The following GON4L variants were observed in gnomAD, a reference collection of about 807,000 sequenced individuals.
GON4L encodes the protein gon-4 like, also known as GON-4-like protein.
A neutral mutation model predicts 211.8 loss-of-function variants in GON4L; 87 were observed. That is an observed-to-expected ratio of 0.41 (90% CI 0.35 to 0.49). The LOEUF (loss-of-function observed/expected upper bound fraction) is 0.49, where lower values mean the gene tolerates loss of function less well. Among genes scored for constraint, GON4L ranks in the 20% least tolerant of loss-of-function variants. The pLI is 0.15. For synonymous variants in GON4L, 875 were observed against 962.6 expected (o/e 0.91, Z 1.68); for missense variants, 2,155 against 2,659.5 (o/e 0.81, Z 4.17).
At chr1:155,814,777 C>G (rs1668096069) in intron 8 of GON4L, among the ~76,000 whole-genome samples, 1 of 151,774 alleles carries the variant, frequency 6.6e-6, no homozygotes, top group Non-Finnish European at 1.5e-5. Flanking sequence ...TAAAATCCAT[C>G]ACTCAACTAG....
At chr1:155,840,312 T>C (rs1342147552) in intron 2 of GON4L, among the ~76,000 whole-genome samples, 1 of 152,244 alleles carries the variant, frequency 6.6e-6, no homozygotes, top group Non-Finnish European at 1.5e-5. Flanking sequence ...GAGAGACAAT[T>C]ACACTGCAGA....
In GON4L at chr1:155,795,067, C is replaced by T. The variant is rs897433809; in HGVS notation, c.1730G>A (p.Arg577Gln). 5 of 1,590,826 alleles carry T rather than the reference C, an allele frequency of 3.1e-6. No homozygotes were observed. The highest frequency in any genetic ancestry group is 1.3e-5 in the African/African-American group (1 of 74,458). The change falls in exon 12 of 32, where the codon CGG becomes CAG. Residue 577 changes from arginine (R) to glutamine (Q), a missense_variant. Arg to Gln is a conservative substitution (Grantham distance 43, BLOSUM62 1). Coordinates refer to ENST00000368331, the MANE Select transcript of GON4L (RefSeq NM_001282860.2). ...AGACTCACTGGTGATTCTCACTGCC[C>T]GGTCAGTCCGGAAATCCTCTGTGTC... Reference protein sequence around the residue: ...EPDTEDFRTDRAVRITKKEVN... With the variant: ...EPDTEDFRTDQAVRITKKEVN...
intron 2 of GON4L, among the ~76,000 whole-genome samples, chr1:155,840,388 A>G (rs1010697107): frequency 6.6e-6 from 1 of 152,178 alleles, no homozygotes; most frequent in Non-Finnish European, 1.5e-5. Context: ...GTGTCAATAC[A>G]GTATTTTGGG....
intron 11 of GON4L, among the ~76,000 whole-genome samples, chr1:155,802,262 C>CA (rs1272881629): frequency 6.9e-6 from 1 of 144,778 alleles, no homozygotes; most frequent in African/African-American, 2.5e-5. Context: ...ACATAAACCC[C>CA]AAAAAAATCA....
At chr1:155,787,338 G>A (rs533844736) in intron 12 of GON4L, among the ~76,000 whole-genome samples, 1 of 152,276 alleles carries the variant, frequency 6.6e-6, no homozygotes, top group African/African-American at 2.4e-5. Flanking sequence ...TTGATATCAA[G>A]TTCAATAAGA....
rs1431971404 is a variant in GON4L at position 155,763,292 on chromosome 1, T to C, written c.4726+20A>G. On this transcript the variant is annotated intron_variant, in intron 22 of 31. Coordinates refer to ENST00000368331, the MANE Select transcript of GON4L (RefSeq NM_001282860.2). ...AGGTTAAGTGAGAATGGTCCTTCAG[T>C]ATAGGTTTGCCTAGCTCACCTGGTG... 5 of 1,612,072 alleles carry C rather than the reference T, an allele frequency of 3.1e-6. No individual in the cohort carries two copies. Among genetic ancestry groups the C allele is most frequent in the South Asian group, 1.1e-5 (1 of 91,036 alleles).
intron 11 of GON4L, among the ~76,000 whole-genome samples, chr1:155,802,392 T>C (rs900854712): frequency 1.3e-5 from 2 of 152,122 alleles, no homozygotes; most frequent in African/African-American, 4.8e-5. Flanking sequence ...TCTTACAGTT[T>C]TACAGTGAAA....
chr1:155,759,946 A>G (rs1452753533), intron 24 of GON4L, among the ~76,000 whole-genome samples: 1 of 145,666 alleles, frequency 6.9e-6, no homozygotes, highest in Non-Finnish European at 1.5e-5. Flanking sequence ...ATTTATTTTT[A>G]TAATTTATAT....
At position 155,777,833 on chromosome 1, in the gene GON4L, G is replaced by A. The variant is rs1358002562; in HGVS notation, c.1893-13C>T. 1.9e-6 allele frequency: 3 copies of A among 1,552,150 alleles called. No homozygotes were observed. The highest frequency in any genetic ancestry group is 2.7e-6 in the Non-Finnish European group (3 of 1,124,780). On this transcript the variant is annotated splice_polypyrimidine_tract_variant and intron_variant, in intron 14 of 31. Coordinates refer to ENST00000368331, the MANE Select transcript of GON4L (RefSeq NM_001282860.2). ...TGGTTCCTCAAACCTATTCCCAACA[G>A]GGAGATGACTGAATTTGAGTGTTTC...
At position 155,798,095 on chromosome 1, in the gene GON4L, AT is replaced by A. The variant is rs1055113562; in HGVS notation, c.1646-2945del. On this transcript the variant is annotated intron_variant, in intron 11 of 31. Transcript: ENST00000368331. Reference sequence around the variant, plus strand: ...GACCCTGTCTCAAAAACAAATATATATTTTTTATATAAATATAAATATATAT... The same window carrying A: ...GACCCTGTCTCAAAAACAAATATATATTTTTATATAAATATAAATATATAT... Among the ~76,000 whole-genome samples, 16 of 147,786 alleles carry A rather than the reference AT, an allele frequency of 1.1e-4. No individual in the cohort carries two copies. In the East Asian group the frequency reaches 2.7e-3, roughly 25 times the overall value.
chr1:155,839,650 CAAA>C (rs76003215), intron 2 of GON4L, among the ~76,000 whole-genome samples: 3 of 61,742 alleles, frequency 4.9e-5, no homozygotes, highest in Non-Finnish European at 6.6e-5. Context: ...GACTCTGTCT[CAAA>C]AAAAAAAAAA....
In GON4L at chr1:155,821,493, G is replaced by A. The variant is rs772087475; in HGVS notation, c.944C>T (p.Thr315Met). ...VAMMKAAISETEDMPMFEPKM... is the reference protein window; with the variant it reads ...VAMMKAAISEMEDMPMFEPKM... ...ACTCACAAACATTGGCATATCTTCCGTCTCACTGATGGCTGCTTTCATCAT... is the reference window on the plus strand; with the variant it reads ...ACTCACAAACATTGGCATATCTTCCATCTCACTGATGGCTGCTTTCATCAT... Residue 315 changes from threonine to methionine, a missense_variant, in exon 5 of 32, where the codon ACG (threonine) becomes ATG (methionine). Transcript: ENST00000368331. 19 of 1,595,558 alleles carry A rather than the reference G, an allele frequency of 1.2e-5. No individual in the cohort carries two copies. The highest frequency in any genetic ancestry group is 2.7e-5 in the African/African-American group (2 of 74,484).
chr1:155,794,845 C>T (rs1665922752), intron 12 of GON4L, among the ~76,000 whole-genome samples: 1 of 152,144 alleles, frequency 6.6e-6, no homozygotes, highest in South Asian at 2.1e-4. Flanking sequence ...GGACTGAATA[C>T]ACGACTGTGG....
At position 155,765,939 on chromosome 1, in the gene GON4L, A is replaced by T; in HGVS notation, c.3534T>A (p.Ile1178=). Residue 1178 remains isoleucine, a synonymous_variant, in exon 21 of 32, where the codon ATT becomes ATA. Transcript: ENST00000368331. ...NAAVAQSPQT[I]PITTLLVNPT... ...GGTTAACCAAGAGGGTAGTGATGGG[A>T]ATAGTCTGGGGACTCTGGGCCACAG... The T allele has an allele frequency of 6.2e-7, 1 of 1,614,146 alleles. No individual in the cohort carries two copies. The highest frequency in any genetic ancestry group is 8.5e-7 in the Non-Finnish European group (1 of 1,180,018).
At chr1:155,749,263 A>G, downstream of GON4L, 1 of 1,585,950 alleles carries the variant, frequency 6.3e-7, no homozygotes, top group East Asian at 2.3e-5. Flanking sequence ...AAAAAGAAAA[A>G]GAATTCTTAG....
At chr1:155,825,000 A>ATAT (rs1300488123) in intron 3 of GON4L, among the ~76,000 whole-genome samples, 2 of 151,634 alleles carry the variant, frequency 1.3e-5, no homozygotes, top group Non-Finnish European at 2.9e-5. Context: ...AATAATAATA[A>ATAT]AATAAAAATG....
intron 2 of GON4L, among the ~76,000 whole-genome samples, chr1:155,828,068 G>C (rs1287951145): frequency 6.6e-6 from 1 of 151,888 alleles, no homozygotes; most frequent in Non-Finnish European, 1.5e-5. Flanking sequence ...TGTGGTGGGA[G>C]AATCACTTGG....
chr1:155,774,948 C>T (rs752807247), intron 17 of GON4L, 54 bp downstream of exon 17: 4 of 1,602,374 alleles, frequency 2.5e-6, no homozygotes, highest in Non-Finnish European at 3.4e-6. Context: ...GGATAAGATT[C>T]CCACCACCTC....
intron 10 of GON4L, among the ~76,000 whole-genome samples, chr1:155,811,284 C>T (rs758695451): frequency 5.8e-5 from 8 of 138,806 alleles, no homozygotes; most frequent in Admixed American, 1.6e-4. Context: ...CCCAGCTACT[C>T]GGGAGGCTGA....
Sources: allele counts gnomAD v4.1 joint callset (sites outside exome capture counted in the v4.1 genomes callset), GRCh38; gene constraint gnomAD v4.1.1; transcripts MANE v1.5; gene names NCBI Gene and HGNC (gene_info 2026-07-23, HGNC 2026-07-21).